SESN2: variants seen among roughly 807,000 people sequenced by gnomAD.
SESN2 encodes the protein sestrin-2.
SESN2 carries 42 observed loss-of-function variants against 56.0 expected under a neutral mutation model. The observed-to-expected ratio is 0.75, with a 90% CI of 0.59 to 0.97. The LOEUF (loss-of-function observed/expected upper bound fraction) is 0.97, where lower values mean the gene tolerates loss of function less well. Ranked by LOEUF, SESN2 falls within the 50% of genes least tolerant of loss-of-function variation. The pLI is 0.00. For missense variants in SESN2, 507 were observed against 649.4 expected, an observed-to-expected ratio of 0.78 and a Z score of 2.38; for synonymous variants, 264 against 267.1, an observed-to-expected ratio of 0.99 and a Z score of 0.11.
At chr1:28,268,335 C>T (rs751997061) in intron 1 of SESN2, among the ~76,000 whole-genome samples, 1 of 151,928 alleles carries the variant, frequency 6.6e-6, no homozygotes, top group Non-Finnish European at 1.5e-5. Flanking sequence ...ATCCATTGAG[C>T]CCAGCAGTTT....
intron 1 of SESN2, among the ~76,000 whole-genome samples, chr1:28,260,217 TC>T (rs1199849958): frequency 6.8e-6 from 1 of 146,568 alleles, no homozygotes; most frequent in African/African-American, 2.5e-5. Flanking sequence ...CTTCCTCGGC[TC>T]CCTCGGACTC....
At chr1:28,279,912 G>A (rs975393313) in intron 9 of SESN2, among the ~76,000 whole-genome samples, 7 of 151,920 alleles carry the variant, frequency 4.6e-5, no homozygotes, top group South Asian at 2.1e-4. Context: ...GGAGCGCAGC[G>A]GTGTGATTTC....
In SESN2 at chr1:28,272,279, C is replaced by T. The variant is rs368262927; in HGVS notation, c.355-5C>T. ...TGACTCAGGCTGTGTCCACTACCTC[C>T]GCAGGCTGCCGCCCGCCATCAGTGT... On this transcript the variant is annotated splice_region_variant and splice_polypyrimidine_tract_variant and intron_variant, in intron 3 of 9. Transcript: ENST00000253063. 17 of 1,613,412 alleles carry T rather than the reference C, an allele frequency of 1.1e-5. No homozygotes were observed. Among genetic ancestry groups the T allele is most frequent in the African/African-American group, 8.0e-5 (6 of 74,910 alleles).
At chr1:28,268,273 C>A (rs1243049549) in intron 1 of SESN2, among the ~76,000 whole-genome samples, 1 of 151,992 alleles carries the variant, frequency 6.6e-6, no homozygotes, top group Non-Finnish European at 1.5e-5. Flanking sequence ...AGCAGCCAGG[C>A]ATGGTGACTC....
rs1205769705 is a variant in SESN2 at position 28,259,929 on chromosome 1, C to T, written c.82C>T (p.Pro28Ser). ...FAPGGVGDSGPGEEQRESRAR... is the reference protein window; with the variant it reads ...FAPGGVGDSGSGEEQRESRAR... ...CCCGGGCGGCGTCGGCGACTCGGGC[C>T]CCGGAGAGGTAAGCGGCGGCCGCGC... is the stretch of plus-strand genomic sequence containing the variant. Residue 28 changes from proline (P) to serine (S), a missense_variant, in exon 1 of 10, where the codon CCC becomes TCC. By Grantham distance (74) the Pro-to-Ser change is moderately conservative (BLOSUM62 -1). Transcript: ENST00000253063. 6.7e-7 allele frequency: 1 copy of T among 1,493,632 alleles called. No homozygotes were observed. The highest frequency in any genetic ancestry group is 1.2e-5 in the South Asian group (1 of 80,514). 92.5% of individuals were successfully genotyped at this position (1,493,632 alleles called of 1,614,324 possible).
At position 28,280,876 on chromosome 1, in the gene SESN2, T is replaced by G; in HGVS notation, c.*74T>G. Reference sequence around the variant, plus strand: ...TGTCTGGAGACAGCCCCAGACCCTTTTGTGTCCCATGCCCACCCTCCCCAC... The same window carrying G: ...TGTCTGGAGACAGCCCCAGACCCTTGTGTGTCCCATGCCCACCCTCCCCAC... On this transcript the variant is annotated 3_prime_UTR_variant, in exon 10 of 10. Transcript: ENST00000253063. 1 of 1,160,672 alleles carries G rather than the reference T, an allele frequency of 8.6e-7. No individual in the cohort carries two copies. The highest frequency in any genetic ancestry group is 1.3e-6 in the Non-Finnish European group (1 of 777,320). The allele number at this position is 1,160,672 out of a possible 1,614,324, so 71.9% of individuals were successfully genotyped here.
chr1:28,267,397 G>A (rs1292533826), intron 1 of SESN2, among the ~76,000 whole-genome samples: 2 of 152,192 alleles, frequency 1.3e-5, no homozygotes, highest in African/African-American at 4.8e-5. Flanking sequence ...GTTAGTTGCA[G>A]AATTGGTACC....
In SESN2 at chr1:28,269,225, A is replaced by G; in HGVS notation, c.133A>G (p.Ser45Gly). 6.2e-7 allele frequency: 1 copy of G among 1,612,990 alleles called. No individual in the cohort carries two copies. Among genetic ancestry groups the G allele is most frequent in the Non-Finnish European group, 8.5e-7 (1 of 1,179,500 alleles). ...GGCTCGGCGAGGCCCTCGAGGGCCC[A>G]GCGCCTTCATCCCCGTGGAGGAGGT... ...SRARRGPRGP[S>G]AFIPVEEVLR... The change falls in exon 2 of 10, where the codon AGC (serine) becomes GGC (glycine). Residue 45 changes from serine (S) to glycine (G), a missense_variant. Coordinates refer to ENST00000253063, the MANE Select transcript of SESN2 (RefSeq NM_031459.5).
chr1:28,261,801 G>A (rs1296748435), intron 1 of SESN2, among the ~76,000 whole-genome samples: 2 of 134,032 alleles, frequency 1.5e-5, no homozygotes, highest in African/African-American at 6.0e-5. Context: ...TTTTTTTTGA[G>A]ATGGAGTCTT....
At chr1:28,263,682 G>A (rs1209484193) in intron 1 of SESN2, among the ~76,000 whole-genome samples, 2 of 151,968 alleles carry the variant, frequency 1.3e-5, no homozygotes, top group Admixed American at 1.3e-4. Context: ...GACTGAGCTG[G>A]GTTCAACTCT....
intron 8 of SESN2, 132 bp downstream of exon 8, chr1:28,275,147 T>G (rs1647985832): frequency 1.5e-6 from 1 of 649,108 alleles, no homozygotes; most frequent in East Asian, 2.8e-5. Flanking sequence ...CAAAGCAAAT[T>G]GTGATTTTAA....
intron 8 of SESN2, among the ~76,000 whole-genome samples, chr1:28,276,042 G>C (rs1648026331): frequency 6.6e-6 from 1 of 152,120 alleles, no homozygotes; most frequent in Admixed American, 6.5e-5. Context: ...AGCTACTTAG[G>C]AAGCTGAGGC....
chr1:28,279,770 C>T (rs1223794311), intron 9 of SESN2, among the ~76,000 whole-genome samples: 3 of 151,954 alleles, frequency 2.0e-5, no homozygotes, highest in African/African-American at 7.3e-5. Context: ...TGGTCTTGAT[C>T]TGACCTTGTG....
chr1:28,268,105 C>T (rs924926300), intron 1 of SESN2, among the ~76,000 whole-genome samples: 8 of 152,056 alleles, frequency 5.3e-5, no homozygotes, highest in South Asian at 2.1e-4. Context: ...GCCAGTTGAT[C>T]GGATTTATAT....
At position 28,273,365 on chromosome 1, in the gene SESN2, A is replaced by G. The variant is rs746749645; in HGVS notation, c.758A>G (p.Glu253Gly). The change falls in exon 6 of 10, where the codon GAG (glutamate) becomes GGG (glycine). Residue 253 changes from glutamate (E) to glycine (G), a missense_variant. By Grantham distance (98) the Glu-to-Gly change is moderately conservative. Coordinates refer to ENST00000253063, the MANE Select transcript of SESN2 (RefSeq NM_031459.5). Reference protein sequence around the residue: ...RDPLNNSGGFESARDVEALME... With the variant: ...RDPLNNSGGFGSARDVEALME... ...ACGGGGCCTCTCCTGCAGGGCTTTG[A>G]GTCTGCCCGCGACGTGGAGGCGCTG... 1.3e-6 allele frequency: 2 copies of G among 1,593,742 alleles called. No individual in the cohort carries two copies. The highest frequency in any genetic ancestry group is 1.7e-6 in the Non-Finnish European group (2 of 1,169,898).
At chr1:28,273,552 T>C in intron 6 of SESN2, 44 bp downstream of exon 6, 1 of 1,495,056 alleles carries the variant, frequency 6.7e-7, no homozygotes, top group Non-Finnish European at 8.9e-7. Flanking sequence ...TGCTCCTTCT[T>C]AGGCTATCTC....
At chr1:28,280,000 C>T (rs1014629785) in intron 9 of SESN2, among the ~76,000 whole-genome samples, 1 of 151,992 alleles carries the variant, frequency 6.6e-6, no homozygotes, top group African/African-American at 2.4e-5. Context: ...TACACACCAC[C>T]TGATTTTTTA....
In SESN2 at chr1:28,259,666, G is replaced by A; in HGVS notation, c.-182G>A. 6.5e-6 allele frequency: 3 copies of A among 462,128 alleles called. No individual in the cohort carries two copies. Among genetic ancestry groups the A allele is most frequent in the Non-Finnish European group, 7.5e-6 (2 of 264,950 alleles). 28.6% of individuals were successfully genotyped at this position (462,128 alleles called of 1,614,324 possible). On this transcript the variant is annotated 5_prime_UTR_variant, in exon 1 of 10. Coordinates refer to ENST00000253063, the MANE Select transcript of SESN2 (RefSeq NM_031459.5). Reference sequence around the variant, plus strand: ...CGCCGTTCCCGAAGCCCGACTGGGGGAAGAGTCCAGCACCAAAGCGGCCGT... The same window carrying A: ...CGCCGTTCCCGAAGCCCGACTGGGGAAAGAGTCCAGCACCAAAGCGGCCGT...
At position 28,272,802 on chromosome 1, in the gene SESN2, C is replaced by T. The variant is rs760316207; in HGVS notation, c.750+9C>T. On this transcript the variant is annotated intron_variant, in intron 5 of 9. Transcript: ENST00000253063. ...CGTTGAACAACTCTGGGGTAAGTCA[C>T]GGGCCTGGGTCTTGATCGGGGAGGA... 11 of 1,548,640 alleles carry T rather than the reference C, an allele frequency of 7.1e-6. No individual in the cohort carries two copies. The highest frequency in any genetic ancestry group is 4.5e-5 in the East Asian group (2 of 44,246).
Sources: allele counts gnomAD v4.1 joint callset (sites outside exome capture counted in the v4.1 genomes callset), GRCh38; gene constraint gnomAD v4.1.1; transcripts MANE v1.5; gene names NCBI Gene and HGNC (gene_info 2026-07-23, HGNC 2026-07-21).